Variants in CSMD3 observed in about 807,000 individuals in gnomAD.
CSMD3 encodes CUB and Sushi multiple domains 3, also known as CUB and sushi domain-containing protein 3.
Under a neutral mutation model 435.2 loss-of-function variants are expected in CSMD3, and 177 were observed. The observed-to-expected ratio is 0.41, with a 90% CI of 0.36 to 0.46. The LOEUF is 0.46. Among genes scored for constraint, CSMD3 ranks in the 20% least tolerant of loss-of-function variants. The pLI is 0.34. For synonymous variants in CSMD3, 1,656 were observed against 1,520.5 expected, an observed-to-expected ratio of 1.09 and a Z score of -2.07; for missense variants, 4,265 against 4,504.6, an observed-to-expected ratio of 0.95 and a Z score of 1.52.
At chr8:112,376,524 C>T (rs1002701965) in intron 38 of CSMD3, among the ~76,000 whole-genome samples, 1 of 152,042 alleles carries the variant, frequency 6.6e-6, no homozygotes, top group South Asian at 2.1e-4. Flanking sequence ...AGTTTCACGT[C>T]ATTCAAAACT....
intron 3 of CSMD3, among the ~76,000 whole-genome samples, chr8:113,207,536 C>A (rs980950620): frequency 2.6e-5 from 4 of 151,940 alleles, no homozygotes; most frequent in Non-Finnish European, 5.9e-5. Flanking sequence ...GCATGCACCA[C>A]CACATCAGGC....
intron 1 of CSMD3, among the ~76,000 whole-genome samples, chr8:113,359,573 AG>A (rs2094257425): frequency 6.6e-6 from 1 of 152,224 alleles, no homozygotes. Flanking sequence ...GAAAGAGGGC[AG>A]GAACTAAAGA....
intron 13 of CSMD3, among the ~76,000 whole-genome samples, chr8:112,734,823 G>C (rs2077151245): frequency 6.6e-6 from 1 of 151,910 alleles, no homozygotes; most frequent in African/African-American, 2.4e-5. Context: ...AATTTCTGAA[G>C]ATATATTTGC....
intron 28 of CSMD3, among the ~76,000 whole-genome samples, chr8:112,510,154 A>G (rs541794908): frequency 3.9e-5 from 6 of 152,260 alleles, no homozygotes; most frequent in Admixed American, 3.3e-4. Context: ...GCCTACTACC[A>G]ATAGGTCTAA....
chr8:113,422,950 A>G (rs2094616005), intron 1 of CSMD3, among the ~76,000 whole-genome samples: 1 of 152,068 alleles, frequency 6.6e-6, no homozygotes, highest in Admixed American at 6.6e-5. Context: ...AATTTTGAAT[A>G]TGTGCATATA....
At chr8:113,143,702 A>C (rs1285010346) in intron 4 of CSMD3, among the ~76,000 whole-genome samples, 2 of 151,482 alleles carry the variant, frequency 1.3e-5, no homozygotes, top group Non-Finnish European at 3.0e-5. Flanking sequence ...TCAATCCCAA[A>C]AAATTACATA....
rs576305541 is a variant in CSMD3, at chr8:112,957,777, G to T, written c.1343-3016C>A. Among the ~76,000 whole-genome samples, 5 of 151,806 alleles carry T rather than the reference G, an allele frequency of 3.3e-5. No homozygotes were observed. In the South Asian group the frequency reaches 1.0e-3, roughly 32 times the overall value. On this transcript the variant is annotated intron_variant, in intron 7 of 70. Transcript: ENST00000297405. ...TGTGTGTTTTTTGAGACGGAGTCTC[G>T]CTCAGTCGCCCAGGCTGGAGAGCAG... is the stretch of plus-strand genomic sequence containing the variant.
At chr8:113,014,534 G>C (rs2086379330) in intron 6 of CSMD3, among the ~76,000 whole-genome samples, 1 of 151,950 alleles carries the variant, frequency 6.6e-6, no homozygotes, top group Non-Finnish European at 1.5e-5. Flanking sequence ...GACTGGTTGT[G>C]GGTGGCAGAA....
chr8:112,304,293 TAGTC>T (rs932336190), intron 52 of CSMD3, among the ~76,000 whole-genome samples: 2 of 152,100 alleles, frequency 1.3e-5, no homozygotes, highest in East Asian at 1.9e-4. Flanking sequence ...TCAAGGGTTT[TAGTC>T]AGGCTACTTG....
chr8:113,411,594 T>G (rs2094560126), intron 1 of CSMD3, among the ~76,000 whole-genome samples: 1 of 152,188 alleles, frequency 6.6e-6, no homozygotes, highest in South Asian at 2.1e-4. Context: ...GAGCTAGATT[T>G]TCTCAAAATG....
chr8:112,674,899 A>G (rs577200900), intron 16 of CSMD3, among the ~76,000 whole-genome samples: 1 of 152,242 alleles, frequency 6.6e-6, no homozygotes, highest in Admixed American at 6.6e-5. Context: ...TATAATTCAA[A>G]CAGTTATAGA....
At chr8:112,929,862 C>T (rs1195159067) in intron 9 of CSMD3, among the ~76,000 whole-genome samples, 1 of 151,704 alleles carries the variant, frequency 6.6e-6, no homozygotes, top group South Asian at 2.1e-4. Context: ...AATTTTTTTT[C>T]TGTGACAGAA....
intron 13 of CSMD3, among the ~76,000 whole-genome samples, chr8:112,771,926 C>A (rs1479785548): frequency 6.6e-6 from 1 of 151,960 alleles, no homozygotes; most frequent in Non-Finnish European, 1.5e-5. Flanking sequence ...CCCCTGAAAG[C>A]AACCGAATAC....
At chr8:113,046,893 G>A (rs2087860043) in intron 5 of CSMD3, among the ~76,000 whole-genome samples, 1 of 152,190 alleles carries the variant, frequency 6.6e-6, no homozygotes, top group Non-Finnish European at 1.5e-5. Flanking sequence ...CCAAAAGAGG[G>A]ACATGATGCT....
intron 13 of CSMD3, among the ~76,000 whole-genome samples, chr8:112,719,225 C>T (rs939683433): frequency 2.6e-5 from 4 of 151,986 alleles, no homozygotes; most frequent in African/African-American, 9.7e-5. Context: ...TGACTATTTT[C>T]GGTCAGATTA....
At chr8:112,761,249 A>T (rs926014112) in intron 13 of CSMD3, among the ~76,000 whole-genome samples, 2 of 152,184 alleles carry the variant, frequency 1.3e-5, no homozygotes, top group African/African-American at 4.8e-5. Flanking sequence ...TATCATTTAA[A>T]AAAAGGGAAA....
chr8:112,292,580 G>A lies in CSMD3; in HGVS notation c.8745C>T (p.Cys2915=), dbSNP rs139968307. 8.5e-4 allele frequency: 1,378 copies of A among 1,613,758 alleles called. No homozygotes were observed. The highest frequency in any genetic ancestry group is 1.1e-3 in the Non-Finnish European group (1,280 of 1,179,748). ...GATGGCTCCACTGTCTGTTGGCCTG[G>A]CACTGTGCCTTTGTTGGCCCTTGCA... is the stretch of plus-strand genomic sequence containing the variant. The part of the protein sequence containing the change: ...YLMQGPTKAQ[C]QANRQWSHPP... The change falls in exon 55 of 71, where the codon TGC becomes TGT. Residue 2915 remains cysteine (C), a synonymous_variant. Coordinates refer to ENST00000297405, the MANE Select transcript of CSMD3 (RefSeq NM_198123.2).
intron 38 of CSMD3, among the ~76,000 whole-genome samples, chr8:112,362,514 T>G (rs76679607): frequency 0.014 from 2,075 of 152,136 alleles, 48 homozygotes; most frequent in African/African-American, 0.047. Context: ...AACAAAAAGT[T>G]AAATAGAATC....
intron 62 of CSMD3, 139 bp from the exon 63 acceptor site, chr8:112,254,465 CT>C (rs1815598214): frequency 1.4e-6 from 1 of 692,752 alleles, no homozygotes; most frequent in Non-Finnish European, 2.6e-6. Context: ...GTAATAACAT[CT>C]CTCCATGGAC....
Sources: allele counts gnomAD v4.1 joint callset (sites outside exome capture counted in the v4.1 genomes callset), GRCh38; gene constraint gnomAD v4.1.1; transcripts MANE v1.5; gene names NCBI Gene and HGNC (gene_info 2026-07-23, HGNC 2026-07-21).